The following CTNNA3 variants were observed in gnomAD, a reference collection of about 807,000 sequenced individuals.
CTNNA3 encodes the protein catenin alpha-3.
In CTNNA3, 76 loss-of-function variants were observed where a neutral mutation model predicts 95.7. The observed-to-expected ratio is 0.79, with a 90% CI of 0.66 to 0.96. The LOEUF (loss-of-function observed/expected upper bound fraction) is 0.96. CTNNA3 is among the 40% of genes least tolerant of loss of function. The probability of loss-of-function intolerance (pLI) is 0.00; values close to 1 mark genes in which losing one functional copy is unlikely to be tolerated. For missense variants in CTNNA3, 1,191 were observed against 1,089.8 expected, an observed-to-expected ratio of 1.09 and a Z score of -1.31; for synonymous variants, 431 against 374.4, an observed-to-expected ratio of 1.15 and a Z score of -1.74.
At chr10:67,267,799 T>C (rs1266170703) in intron 5 of CTNNA3, among the ~76,000 whole-genome samples, 1 of 152,186 alleles carries the variant, frequency 6.6e-6, no homozygotes, top group Non-Finnish European at 1.5e-5. Flanking sequence ...GGCTGGAACA[T>C]GGGACAGCTA....
intron 7 of CTNNA3, among the ~76,000 whole-genome samples, chr10:67,164,170 A>G (rs905426978): frequency 6.6e-6 from 1 of 152,074 alleles, no homozygotes; most frequent in Non-Finnish European, 1.5e-5. Context: ...AACAACTTTG[A>G]AATAGGAAAT....
chr10:66,926,188 G>T lies in CTNNA3; in HGVS notation c.1048-150664C>A, dbSNP rs188789794. 1.3e-5 allele frequency: 6 copies of T among 457,354 alleles called. No individual in the cohort carries two copies. The Admixed American group carries it at 1.5e-4, about 11-fold the overall frequency. 28.3% of individuals were successfully genotyped at this position (457,354 alleles called of 1,614,324 possible). On this transcript the variant is annotated intron_variant, in intron 7 of 17. Transcript: ENST00000433211. ...CTGCTGGGGTATGGAATACAGATGT[G>T]GCAGCTCAGGTAGCCCCAAATTGCC...
At chr10:66,358,338 C>G (rs2092627191) in intron 12 of CTNNA3, among the ~76,000 whole-genome samples, 1 of 150,498 alleles carries the variant, frequency 6.6e-6, no homozygotes, top group African/African-American at 2.5e-5. Flanking sequence ...AGAGTCTAAG[C>G]CAGGAAATAT....
chr10:67,746,490 A>T (rs1156773308), intron 1 of CTNNA3, among the ~76,000 whole-genome samples: 1 of 152,014 alleles, frequency 6.6e-6, no homozygotes, highest in East Asian at 1.9e-4. Context: ...TCATTAACCA[A>T]GGTATCCATG....
At chr10:66,341,941 G>A (rs2092457366) in intron 12 of CTNNA3, among the ~76,000 whole-genome samples, 1 of 151,116 alleles carries the variant, frequency 6.6e-6, no homozygotes, top group Admixed American at 6.6e-5. Context: ...TATGAAGTAG[G>A]CATCATTATG....
chr10:66,996,673 C>CAAAAAAAAA (rs1851371155), intron 7 of CTNNA3, among the ~76,000 whole-genome samples: 2 of 69,086 alleles, frequency 2.9e-5, no homozygotes, highest in South Asian at 4.4e-4. Context: ...AAAAAAAAAG[C>CAAAAAAAAA]ATGTTTGTGT....
At chr10:66,566,338 C>G (rs1479668384) in intron 10 of CTNNA3, among the ~76,000 whole-genome samples, 1 of 152,112 alleles carries the variant, frequency 6.6e-6, no homozygotes. Context: ...ATGATTATCA[C>G]TAGTGTCCTA....
intron 11 of CTNNA3, among the ~76,000 whole-genome samples, chr10:66,458,252 A>G (rs902293517): frequency 2.6e-5 from 4 of 152,202 alleles, no homozygotes; most frequent in African/African-American, 9.6e-5. Context: ...ATTTTGGTAC[A>G]TTCATATCAT....
At chr10:66,796,058 C>T (rs1841178072) in intron 7 of CTNNA3, among the ~76,000 whole-genome samples, 1 of 152,096 alleles carries the variant, frequency 6.6e-6, no homozygotes, top group African/African-American at 2.4e-5. Context: ...GGTTGTTTTG[C>T]TTTCTCATCA....
chr10:66,900,398 A>C (rs1221471486), intron 7 of CTNNA3, among the ~76,000 whole-genome samples: 1 of 152,196 alleles, frequency 6.6e-6, no homozygotes, highest in African/African-American at 2.4e-5. Context: ...AGGTAGATAA[A>C]ACCACAAAGA....
At chr10:66,226,634 C>A (rs1257742994) in intron 13 of CTNNA3, among the ~76,000 whole-genome samples, 1 of 150,344 alleles carries the variant, frequency 6.7e-6, no homozygotes, top group Non-Finnish European at 1.5e-5. Flanking sequence ...AACCTGTAGG[C>A]TACTTTGGGT....
At chr10:66,325,532 G>A (rs909551818) in intron 12 of CTNNA3, among the ~76,000 whole-genome samples, 3 of 152,046 alleles carry the variant, frequency 2.0e-5, no homozygotes, top group Non-Finnish European at 4.4e-5. Flanking sequence ...GGCATGAGCC[G>A]CTGCACCTGG....
At chr10:67,728,076 A>C (rs1380101991) in intron 1 of CTNNA3, among the ~76,000 whole-genome samples, 2 of 140,294 alleles carry the variant, frequency 1.4e-5, no homozygotes. Flanking sequence ...ATTACATATT[A>C]TATATTATAT....
chr10:65,982,676 T>C (rs1231430074), intron 16 of CTNNA3, among the ~76,000 whole-genome samples: 5 of 150,186 alleles, frequency 3.3e-5, no homozygotes, highest in East Asian at 2.0e-4. Context: ...TATATATGTG[T>C]GTGTGTATGT....
At position 65,918,963 on chromosome 10, in the gene CTNNA3, C is replaced by T. The variant is rs904842783; in HGVS notation, c.*1367G>A. 6.6e-6 allele frequency: 1 copy of T among 151,970 alleles called. No individual in the cohort carries two copies. The highest frequency in any genetic ancestry group is 1.5e-5 in the Non-Finnish European group (1 of 67,982). The allele number at this position is 151,970 out of a possible 1,614,324, so 9.4% of individuals were successfully genotyped here. A position where few individuals can be genotyped will look rare whatever the true frequency, so the allele number is the denominator to read the frequency against. On this transcript the variant is annotated 3_prime_UTR_variant, in exon 18 of 18. Transcript: ENST00000433211. ...AGGTTACATCGTTGCTGAGACGCCTCTCATCAATGGCAATGTTTTAGAAGT... is the reference window on the plus strand; with the variant it reads ...AGGTTACATCGTTGCTGAGACGCCTTTCATCAATGGCAATGTTTTAGAAGT...
chr10:66,148,048 T>C lies in CTNNA3; in HGVS notation c.1885-44799A>G, dbSNP rs1395598176. ...ATTGTTTTATTTCCTATATCCTTGA[T>C]TGTAAACAGAATTGAAACTCATATC... On this transcript the variant is annotated intron_variant, in intron 13 of 17. Transcript: ENST00000433211. Among the ~76,000 whole-genome samples, 5 of 151,858 alleles carry C rather than the reference T, an allele frequency of 3.3e-5. No individual in the cohort carries two copies. The Admixed American group carries it at 3.3e-4, about 10-fold the overall frequency.
chr10:67,489,803 TATAC>T (rs981750669), intron 5 of CTNNA3, among the ~76,000 whole-genome samples: 2 of 149,124 alleles, frequency 1.3e-5, no homozygotes, highest in African/African-American at 5.0e-5. Context: ...TATATATATA[TATAC>T]ACACATTAGG....
chr10:66,331,342 G>GCTTGCTTT (rs201302254), intron 12 of CTNNA3, among the ~76,000 whole-genome samples: 4 of 80,346 alleles, frequency 5.0e-5, no homozygotes, highest in African/African-American at 1.9e-4. Context: ...CCCATTGTTT[G>GCTTGCTTT]TTTTTTTTTT....
At chr10:66,788,025 T>C (rs537949565) in intron 7 of CTNNA3, among the ~76,000 whole-genome samples, 3 of 152,178 alleles carry the variant, frequency 2.0e-5, no homozygotes, top group Admixed American at 1.3e-4. Flanking sequence ...TCAATAAATA[T>C]ATATGCTATT....
Sources: allele counts gnomAD v4.1 joint callset (sites outside exome capture counted in the v4.1 genomes callset), GRCh38; gene constraint gnomAD v4.1.1; transcripts MANE v1.5; gene names NCBI Gene and HGNC (gene_info 2026-07-23, HGNC 2026-07-21).